HOXD3: variants seen among roughly 807,000 people sequenced by gnomAD.
HOXD3 encodes the protein homeobox D3.
A neutral mutation model predicts 32.8 loss-of-function variants in HOXD3; 13 were observed. The ratio of observed to expected loss-of-function variants is 0.40; its 90% CI spans 0.26 to 0.63. The LOEUF (loss-of-function observed/expected upper bound fraction) is 0.63. Ranked by LOEUF, HOXD3 falls within the 20% of genes least tolerant of loss-of-function variation. The pLI is 0.44. For missense variants in HOXD3, 504 were observed against 577.1 expected (o/e 0.87, Z 1.30); for synonymous variants, 241 against 246.8 (o/e 0.98, Z 0.22).
upstream of HOXD3, among the ~76,000 whole-genome samples, chr2:176,157,149 G>A (rs1258310160): frequency 6.6e-6 from 1 of 152,176 alleles, no homozygotes. Flanking sequence ...TGCCCCCCGC[G>A]CCGGGCTGGG....
At chr2:176,167,375 T>C (rs990673966) in intron 2 of HOXD3, among the ~76,000 whole-genome samples, 2 of 152,214 alleles carry the variant, frequency 1.3e-5, no homozygotes, top group African/African-American at 4.8e-5. Context: ...CACTCACCCA[T>C]GTTCCATGCA....
Position 176,172,057 on chromosome 2 carries a change from A to G in HOXD3, c.1082A>G (p.Asn361Ser). The G allele has an allele frequency of 6.2e-7, 1 of 1,609,722 alleles. No homozygotes were observed. Among genetic ancestry groups the G allele is most frequent in the Non-Finnish European group, 8.5e-7 (1 of 1,179,236 alleles). ...GGCAGCCCGGTGTACGTGGGCGGCAACTTCGTCGAGTCCATGGCGCCCGCG... is the reference window on the plus strand; with the variant it reads ...GGCAGCCCGGTGTACGTGGGCGGCAGCTTCGTCGAGTCCATGGCGCCCGCG... The part of the protein sequence containing the change: ...LQGSPVYVGG[N>S]FVESMAPASG... The change falls in exon 4 of 4, where the codon AAC becomes AGC. Residue 361 changes from asparagine to serine, a missense_variant. Coordinates refer to ENST00000683222, the MANE Select transcript of HOXD3 (RefSeq NM_006898.5).
At chr2:176,153,051 G>T, upstream of HOXD3, 1 of 984,430 alleles carries the variant, frequency 1.0e-6, no homozygotes, top group South Asian at 1.4e-5. Flanking sequence ...CTGTGGGGTG[G>T]ACCTGGGACA....
intron 1 of HOXD3, among the ~76,000 whole-genome samples, chr2:176,160,161 G>T (rs1380833694): frequency 6.6e-6 from 1 of 152,166 alleles, no homozygotes; most frequent in Non-Finnish European, 1.5e-5. Flanking sequence ...GGAGCTGGGC[G>T]TCGGCCTCCG....
upstream of HOXD3, chr2:176,153,091 C>A: frequency 2.9e-6 from 2 of 682,198 alleles, no homozygotes; most frequent in Admixed American, 2.6e-5. Context: ...AGGTTAGCAT[C>A]CTGCCCGAGG....
At chr2:176,156,658 C>G (rs544325518), upstream of HOXD3, among the ~76,000 whole-genome samples, 12 of 152,232 alleles carry the variant, frequency 7.9e-5, no homozygotes, top group Admixed American at 7.2e-4. Flanking sequence ...CTTCCGCGCC[C>G]CCTCCACCCC....
At chr2:176,155,794 A>T (rs573042953), upstream of HOXD3, among the ~76,000 whole-genome samples, 12 of 152,318 alleles carry the variant, frequency 7.9e-5, no homozygotes, top group Non-Finnish European at 1.8e-4. Flanking sequence ...AAAAACAAAA[A>T]CAAAAACCGT....
At chr2:176,163,050 C>T (rs559989453) in intron 1 of HOXD3, among the ~76,000 whole-genome samples, 1 of 152,220 alleles carries the variant, frequency 6.6e-6, no homozygotes, top group East Asian at 1.9e-4. Flanking sequence ...TGGCTTTTCC[C>T]CCTGGGTCCA....
At chr2:176,153,307 C>T, upstream of HOXD3, 1 of 280,632 alleles carries the variant, frequency 3.6e-6, no homozygotes, top group East Asian at 8.8e-5. Flanking sequence ...CCCACTCCAC[C>T]CCTCCAGGGT....
At chr2:176,154,356 G>A (rs1253142521), upstream of HOXD3, among the ~76,000 whole-genome samples, 1 of 152,020 alleles carries the variant, frequency 6.6e-6, no homozygotes, top group South Asian at 2.1e-4. Context: ...TGACCCTCAA[G>A]CATAAGGAGG....
intron 2 of HOXD3, among the ~76,000 whole-genome samples, chr2:176,168,710 AGCT>A (rs1691071077): frequency 1.3e-5 from 2 of 152,208 alleles, no homozygotes; most frequent in African/African-American, 4.8e-5. Context: ...ACTCTGAAAT[AGCT>A]ATTAATACTG....
At chr2:176,160,733 CCTGGGAGGG>C (rs895002805) in intron 1 of HOXD3, among the ~76,000 whole-genome samples, 7 of 152,176 alleles carry the variant, frequency 4.6e-5, no homozygotes, top group Non-Finnish European at 1.0e-4. Context: ...CTCTGGGGGG[CCTGGGAGGG>C]CTGGGCAGAA....
At chr2:176,152,841 T>G, upstream of HOXD3, 1 of 1,614,158 alleles carries the variant, frequency 6.2e-7, no homozygotes, top group Non-Finnish European at 8.5e-7. This position sits in a 1 kb window ranked among gnomAD's most constrained non-coding sequence, Gnocchi z 5.2. Flanking sequence ...AGGCAGGTCA[T>G]CGTCCTCATC....
upstream of HOXD3, among the ~76,000 whole-genome samples, chr2:176,157,152 G>T (rs2078228): frequency 6.6e-6 from 1 of 152,166 alleles, no homozygotes; most frequent in Non-Finnish European, 1.5e-5. Flanking sequence ...CCCCCGCGCC[G>T]GGCTGGGCGG....
chr2:176,157,082 G>T (rs1049289559), upstream of HOXD3, among the ~76,000 whole-genome samples: 2 of 152,120 alleles, frequency 1.3e-5, no homozygotes, highest in East Asian at 3.9e-4. Flanking sequence ...AGTAAATCGG[G>T]ACCCTCGGCG....
chr2:176,160,437 ATG>A (rs1170766672), intron 1 of HOXD3, among the ~76,000 whole-genome samples: 1 of 152,106 alleles, frequency 6.6e-6, no homozygotes, highest in African/African-American at 2.4e-5. Flanking sequence ...AGCTGCGAAA[ATG>A]TGTTCTTTCC....
At chr2:176,158,369 C>T (rs954929578) in intron 1 of HOXD3, among the ~76,000 whole-genome samples, 1 of 152,174 alleles carries the variant, frequency 6.6e-6, no homozygotes, top group Non-Finnish European at 1.5e-5. Context: ...CTAAGAGCCA[C>T]TCCGCTCCGT....
upstream of HOXD3, chr2:176,152,702 C>T (rs1690566422): frequency 6.2e-7 from 1 of 1,614,228 alleles, no homozygotes; most frequent in East Asian, 2.2e-5. The surrounding 1 kb of genome is among the most constrained non-coding windows in gnomAD (Gnocchi z 5.2). Flanking sequence ...TTCATTTTAA[C>T]AGGTATCTGA....
chr2:176,165,574 T>A (rs986466909), intron 2 of HOXD3: 1 of 152,280 alleles, frequency 6.6e-6, no homozygotes, highest in African/African-American at 2.4e-5. Context: ...CCAGACCTAT[T>A]TGGCACCCCT....
Sources: allele counts gnomAD v4.1 joint callset (sites outside exome capture counted in the v4.1 genomes callset), GRCh38; gene constraint gnomAD v4.1.1; non-coding constraint Gnocchi (gnomAD v3.1); transcripts MANE v1.5; gene names NCBI Gene and HGNC (gene_info 2026-07-23, HGNC 2026-07-21).